FYN: variants seen among roughly 807,000 people sequenced by gnomAD.
FYN encodes the protein tyrosine-protein kinase Fyn.
FYN carries 10 observed loss-of-function variants against 70.2 expected under a neutral mutation model. The ratio of observed to expected loss-of-function variants is 0.14; its 90% confidence interval spans 0.09 to 0.24. FYN has a LOEUF of 0.24. Ranked by LOEUF, FYN falls within the 10% of genes least tolerant of loss-of-function variation. The probability of loss-of-function intolerance (pLI) is 1.00; values close to 1 mark genes in which losing one functional copy is unlikely to be tolerated. For missense variants in FYN, 319 were observed against 673.1 expected (o/e 0.47, Z 5.82); for synonymous variants, 236 against 248.6 (o/e 0.95, Z 0.48).
chr6:111,793,891 C>T (rs1771718493), intron 2 of FYN: 1 of 151,906 alleles, frequency 6.6e-6, no homozygotes, highest in African/African-American at 2.4e-5. Flanking sequence ...TCTCTTGGAC[C>T]CTCTGGGAGG....
chr6:111,825,510 C>A (rs1021404033), intron 2 of FYN, among the ~76,000 whole-genome samples: 1 of 152,188 alleles, frequency 6.6e-6, no homozygotes, highest in Non-Finnish European at 1.5e-5. Context: ...CAATACCTAC[C>A]ACACAGGATT....
At position 111,745,876 on chromosome 6, in the gene FYN, G is replaced by A. The variant is rs376694462; in HGVS notation, c.-11-25814C>T. Among the ~76,000 whole-genome samples the A allele has an allele frequency of 7.2e-5, 11 of 152,272 alleles. No homozygotes were observed. The East Asian group carries it at 1.5e-3, about 21-fold the overall frequency. ...ATACACTTATACCTTCCAAAAAAATGCCTTCAGTAATGTTTCCCCTGTGCA... is the reference window on the plus strand; with the variant it reads ...ATACACTTATACCTTCCAAAAAAATACCTTCAGTAATGTTTCCCCTGTGCA... On this transcript the variant is annotated intron_variant, in intron 3 of 13. Coordinates refer to ENST00000354650, the MANE Select transcript of FYN (RefSeq NM_002037.5).
chr6:111,847,668 C>T (rs879594822), intron 1 of FYN, among the ~76,000 whole-genome samples: 1 of 152,140 alleles, frequency 6.6e-6, no homozygotes, highest in Non-Finnish European at 1.5e-5. Flanking sequence ...CCCCACCACA[C>T]ACACACACAA....
chr6:111,686,416 G>A (rs982535840), intron 12 of FYN, among the ~76,000 whole-genome samples: 3 of 152,212 alleles, frequency 2.0e-5, no homozygotes, highest in South Asian at 4.2e-4. Flanking sequence ...GCATTCTGTC[G>A]GGCAAGTCCC....
chr6:111,748,594 C>T (rs1385722479), intron 3 of FYN, among the ~76,000 whole-genome samples: 2 of 150,664 alleles, frequency 1.3e-5, no homozygotes, highest in Non-Finnish European at 3.0e-5. Context: ...ACCTGTTCAT[C>T]CATATAGACC....
chr6:111,828,970 T>C (rs1226597848), intron 2 of FYN, among the ~76,000 whole-genome samples: 2 of 152,188 alleles, frequency 1.3e-5, no homozygotes, highest in Non-Finnish European at 2.9e-5. Flanking sequence ...AGCCTTTAAA[T>C]GTTAATGTGC....
intron 12 of FYN, among the ~76,000 whole-genome samples, chr6:111,682,718 C>T (rs182939765): frequency 2.3e-4 from 35 of 152,264 alleles, no homozygotes; most frequent in Admixed American, 2.0e-3. Context: ...AAGGAGCTTC[C>T]GAGTCAGGTA....
intron 2 of FYN, among the ~76,000 whole-genome samples, chr6:111,813,129 T>C (rs984470850): frequency 7.9e-5 from 12 of 152,228 alleles, no homozygotes; most frequent in Admixed American, 1.3e-4. Context: ...ACTTACTGTC[T>C]TGCAAGTAAT....
chr6:111,699,708 T>C (rs1268477695), intron 9 of FYN: 2 of 1,584,970 alleles, frequency 1.3e-6, no homozygotes, highest in Non-Finnish European at 1.7e-6. Context: ...ACACAGTCCT[T>C]ATAATCCATA....
intron 3 of FYN, among the ~76,000 whole-genome samples, chr6:111,739,043 C>T (rs770363373): frequency 4.6e-5 from 7 of 152,046 alleles, no homozygotes; most frequent in Non-Finnish European, 8.8e-5. Context: ...TACATGAAGC[C>T]GAATGCCTAA....
chr6:111,754,384 T>C (rs1802620901), intron 3 of FYN: 1 of 152,166 alleles, frequency 6.6e-6, no homozygotes, highest in Admixed American at 6.5e-5. Flanking sequence ...TTACTACCTT[T>C]CTTCAATGTA....
At chr6:111,726,210 A>G (rs2128467005) in intron 3 of FYN, among the ~76,000 whole-genome samples, 1 of 152,346 alleles carries the variant, frequency 6.6e-6, no homozygotes, top group Non-Finnish European at 1.5e-5. Flanking sequence ...TTTGTGACTG[A>G]CAGAAATGTG....
chr6:111,740,056 T>G (rs915450559), intron 3 of FYN, among the ~76,000 whole-genome samples: 3 of 123,494 alleles, frequency 2.4e-5, no homozygotes, highest in Admixed American at 1.8e-4. Context: ...ACTCCTGACC[T>G]TGTGATCCAC....
Position 111,662,020 on chromosome 6 carries a change from TTTC to T in FYN, c.1406-76_1406-74del, listed in dbSNP as rs375229905. The T allele has an allele frequency of 3.9e-5, 49 of 1,258,972 alleles. 1 individual carries two copies. The highest frequency in any genetic ancestry group is 3.9e-4 in the African/African-American group (26 of 66,948). 78.0% of individuals were successfully genotyped at this position (1,258,972 alleles called of 1,614,324 possible). A position where few individuals can be genotyped will look rare whatever the true frequency, so the allele number is the denominator to read the frequency against. Reference sequence around the variant, plus strand: ...CTGACCGCCGCACTTGCAGATCCCCTTTCTTCTTCTTTGCGTCTGCATGTGGCT... The same window carrying T: ...CTGACCGCCGCACTTGCAGATCCCCTTTCTTCTTTGCGTCTGCATGTGGCT... On this transcript the variant is annotated intron_variant, in intron 13 of 13. Transcript: ENST00000354650.
At chr6:111,831,610 TA>T (rs1209904845) in intron 2 of FYN, among the ~76,000 whole-genome samples, 1 of 152,150 alleles carries the variant, frequency 6.6e-6, no homozygotes, top group East Asian at 1.9e-4. Context: ...GACTGTGCAG[TA>T]ATGACTATAA....
intron 3 of FYN, 101 bp from the exon 4 acceptor site, chr6:111,720,163 T>A: frequency 7.3e-7 from 1 of 1,368,306 alleles, no homozygotes; most frequent in Non-Finnish European, 9.8e-7. Flanking sequence ...CACTGTTGGC[T>A]ATTTCAGGCC....
intron 3 of FYN, among the ~76,000 whole-genome samples, chr6:111,760,336 G>A (rs1004057093): frequency 2.0e-5 from 3 of 152,022 alleles, no homozygotes; most frequent in Non-Finnish European, 4.4e-5. Flanking sequence ...ACTCCTGCTC[G>A]CTTCCATCTG....
chr6:111,799,848 G>T (rs112252171), intron 2 of FYN, among the ~76,000 whole-genome samples: 348 of 152,194 alleles, frequency 2.3e-3, no homozygotes, highest in African/African-American at 7.8e-3. Flanking sequence ...TGGGAGTCCC[G>T]CACACGCCAG....
At chr6:111,849,113 T>C (rs1397953704) in intron 1 of FYN, among the ~76,000 whole-genome samples, 1 of 152,218 alleles carries the variant, frequency 6.6e-6, no homozygotes, top group Non-Finnish European at 1.5e-5. Flanking sequence ...TAGGGCATTT[T>C]CCATGCTTTT....
Sources: gnomAD v4.1 joint callset for allele counts (sites outside exome capture counted in the v4.1 genomes callset) on GRCh38, gnomAD v4.1.1 for gene constraint, MANE v1.5 for transcripts, NCBI Gene and HGNC (gene_info 2026-07-23, HGNC 2026-07-21) for gene names.